The following SCG3 variants were observed in gnomAD, a reference collection of about 807,000 sequenced individuals.
SCG3 encodes the protein secretogranin III.
In SCG3, 38 loss-of-function variants were observed where a neutral mutation model predicts 56.2. The ratio of observed to expected loss-of-function variants is 0.68; its 90% CI spans 0.52 to 0.89. SCG3 has a LOEUF of 0.89. SCG3 is among the 40% of genes least tolerant of loss of function. SCG3 has a pLI of 0.00. For synonymous variants in SCG3, 176 were observed against 184.2 expected, an observed-to-expected ratio of 0.96 and a Z score of 0.36; for missense variants, 524 against 540.7, an observed-to-expected ratio of 0.97 and a Z score of 0.31.
At chr15:51,697,164 GTACCTA>G (rs2055309118) in intron 8 of SCG3, among the ~76,000 whole-genome samples, 18 of 151,332 alleles carry the variant, frequency 1.2e-4, no homozygotes, top group African/African-American at 4.4e-4. Flanking sequence ...GTGTGTGTGT[GTACCTA>G]TGTCATTTCT....
rs74013500 is a variant in SCG3 at position 51,681,878 on chromosome 15, C to A, written c.82+41C>A. 126 of 1,545,540 alleles carry A rather than the reference C, an allele frequency of 8.2e-5. No individual in the cohort carries two copies. In the African/African-American group the frequency reaches 1.5e-3, roughly 19 times the overall value. ...TCTTCTTCCTACCTTCCTTTTATTT[C>A]GCCACGAAAAGGTAAAGTTTGGCAT... is the stretch of plus-strand genomic sequence containing the variant. On this transcript the variant is annotated intron_variant, in intron 1 of 11. Transcript: ENST00000220478.
chr15:51,715,882 G>C (rs565967694), intron 11 of SCG3, among the ~76,000 whole-genome samples: 1 of 150,634 alleles, frequency 6.6e-6, no homozygotes, highest in African/African-American at 2.5e-5. Flanking sequence ...TTTTGAGACA[G>C]AGTCTCGCTC....
At chr15:51,716,529 A>T (rs1394066353) in intron 11 of SCG3, among the ~76,000 whole-genome samples, 1 of 152,208 alleles carries the variant, frequency 6.6e-6, no homozygotes, top group Non-Finnish European at 1.5e-5. Flanking sequence ...TGACTCTACC[A>T]CTACCTGAGC....
At chr15:51,711,644 T>C (rs1567222919) in intron 10 of SCG3, among the ~76,000 whole-genome samples, 2 of 152,222 alleles carry the variant, frequency 1.3e-5, no homozygotes, top group Admixed American at 1.3e-4. Flanking sequence ...TTTAAAATTA[T>C]TATTTATGTA....
intron 4 of SCG3, among the ~76,000 whole-genome samples, chr15:51,684,250 C>T (rs534306091): frequency 2.0e-5 from 3 of 152,270 alleles, no homozygotes; most frequent in African/African-American, 7.2e-5. Flanking sequence ...TGTCCAAGCT[C>T]CAATTATGTC....
chr15:51,715,922 G>A (rs1277950202), intron 11 of SCG3, among the ~76,000 whole-genome samples: 2 of 151,838 alleles, frequency 1.3e-5, no homozygotes, highest in Non-Finnish European at 2.9e-5. Flanking sequence ...CAGTGGCACG[G>A]TCTCCGCTCA....
intron 10 of SCG3, among the ~76,000 whole-genome samples, chr15:51,711,590 T>C (rs879004383): frequency 1.3e-5 from 2 of 152,246 alleles, no homozygotes; most frequent in East Asian, 3.8e-4. Flanking sequence ...TTGTTCAAAA[T>C]ACCTTATCTA....
chr15:51,688,130 C>T (rs568295219), intron 4 of SCG3, 130 bp from the exon 5 acceptor site: 7 of 867,884 alleles, frequency 8.1e-6, no homozygotes, highest in Admixed American at 3.3e-5. Context: ...TTCTGTGGAC[C>T]GAGAACCACC....
At chr15:51,682,374 C>A in intron 1 of SCG3, 143 bp from the exon 2 acceptor site, 1 of 496,178 alleles carries the variant, frequency 2.0e-6, no homozygotes, top group Non-Finnish European at 3.6e-6. Context: ...TCTTGATAAT[C>A]TTTGTTAATA....
At chr15:51,690,886 G>A (rs987615019) in intron 6 of SCG3, among the ~76,000 whole-genome samples, 2 of 152,128 alleles carry the variant, frequency 1.3e-5, no homozygotes, top group African/African-American at 4.8e-5. Flanking sequence ...CCAAGCACTG[G>A]AAATACCATG....
chr15:51,690,176 A>T (rs1350632202), intron 6 of SCG3, among the ~76,000 whole-genome samples: 1 of 152,050 alleles, frequency 6.6e-6, no homozygotes, highest in East Asian at 1.9e-4. Flanking sequence ...TGTTCTTGGC[A>T]ATGCTCTTCC....
intron 10 of SCG3, among the ~76,000 whole-genome samples, chr15:51,706,818 T>A (rs1043194506): frequency 9.2e-5 from 14 of 152,208 alleles, no homozygotes; most frequent in Non-Finnish European, 1.9e-4. Flanking sequence ...AATGATACAT[T>A]CACCTTTGAA....
intron 7 of SCG3, among the ~76,000 whole-genome samples, chr15:51,695,277 T>G (rs766378120): frequency 6.6e-6 from 1 of 152,110 alleles, no homozygotes; most frequent in Non-Finnish European, 1.5e-5. Flanking sequence ...ATTAAGAAAA[T>G]TAAGCTTAAT....
In SCG3 at chr15:51,705,893, A is replaced by T. The variant is rs185363379; in HGVS notation, c.1207+4649A>T. On this transcript the variant is annotated intron_variant, in intron 10 of 11. Transcript: ENST00000220478. ...AAGGCAGGAATTTGGGGTTAAAATT[A>T]GTCCCTCTGCTATTGTTCAGAGATG... Among the ~76,000 whole-genome samples, 28 of 152,320 alleles carry T rather than the reference A, an allele frequency of 1.8e-4. 1 individual carries two copies. Among genetic ancestry groups the T allele is most frequent in the Non-Finnish European group, 3.5e-4 (24 of 68,026 alleles).
Position 51,681,733 on chromosome 15 carries a change from T to C in SCG3, c.-23T>C, listed in dbSNP as rs200963072. On this transcript the variant is annotated 5_prime_UTR_variant, in exon 1 of 12. Transcript: ENST00000220478. ...GCTCCAGGAGCCCAGCGCCGGGCTGTGACCCAAGCCGAGCGTGGAAGAATG... is the reference window on the plus strand; with the variant it reads ...GCTCCAGGAGCCCAGCGCCGGGCTGCGACCCAAGCCGAGCGTGGAAGAATG... 97 of 1,596,840 alleles carry C rather than the reference T, an allele frequency of 6.1e-5. 1 individual carries two copies. The South Asian group carries it at 6.2e-4, about 10-fold the overall frequency.
intron 11 of SCG3, among the ~76,000 whole-genome samples, chr15:51,717,631 T>C (rs139222145): frequency 2.7e-4 from 41 of 152,320 alleles, no homozygotes; most frequent in African/African-American, 8.7e-4. Flanking sequence ...AATAAACAAC[T>C]AGATGAAGAG....
intron 9 of SCG3, 144 bp downstream of exon 9, chr15:51,699,546 T>C (rs1324500349): frequency 1.4e-5 from 9 of 648,110 alleles, no homozygotes; most frequent in Non-Finnish European, 2.4e-5. Context: ...ATTAATTAGA[T>C]GTGACCTTGG....
chr15:51,687,457 C>T (rs2055236293), intron 4 of SCG3, among the ~76,000 whole-genome samples: 1 of 152,218 alleles, frequency 6.6e-6, no homozygotes, highest in Non-Finnish European at 1.5e-5. Context: ...TTCATTGCCA[C>T]CAGCCCTTTC....
chr15:51,681,600 T>G lies in SCG3; in HGVS notation c.-156T>G, dbSNP rs972923071. ...CCCTGCTTATCCCTTGACCGTCGAG[T>G]GTCAGAGATCCTGCAGCCGCCCAGT... is the stretch of plus-strand genomic sequence containing the variant. On this transcript the variant is annotated 5_prime_UTR_variant, in exon 1 of 12. Coordinates refer to ENST00000220478, the MANE Select transcript of SCG3 (RefSeq NM_013243.4). 3.3e-5 allele frequency: 21 copies of G among 629,728 alleles called. No individual in the cohort carries two copies. In the African/African-American group the frequency reaches 3.9e-4, roughly 12 times the overall value. The allele number at this position is 629,728 out of a possible 1,614,324, so 39.0% of individuals were successfully genotyped here.
Sources: allele counts gnomAD v4.1 joint callset (sites outside exome capture counted in the v4.1 genomes callset), GRCh38; gene constraint gnomAD v4.1.1; transcripts MANE v1.5; gene names NCBI Gene and HGNC (gene_info 2026-07-23, HGNC 2026-07-21).